Variants in PARG observed in about 807,000 individuals in gnomAD.
The protein encoded by PARG is mitochondrial poly(ADP-ribose) glycohydrolase.
A neutral mutation model predicts 113.0 loss-of-function variants in PARG; 35 were observed. The observed-to-expected ratio is 0.31, with a 90% CI of 0.24 to 0.41. The LOEUF is 0.41. Among genes scored for constraint, PARG ranks in the 10% least tolerant of loss-of-function variants. The pLI, the probability that PARG is intolerant of heterozygous loss-of-function variation, is 1.00. For synonymous variants in PARG, 330 were observed against 409.9 expected, an observed-to-expected ratio of 0.81 and a Z score of 2.36; for missense variants, 797 against 1,169.4, an observed-to-expected ratio of 0.68 and a Z score of 4.64.
rs1554850931 is a variant in PARG at position 49,927,421 on chromosome 10, A to AG, written c.1455+4678_1455+4679insC. Among the ~76,000 whole-genome samples, 299 of 148,216 alleles carry AG rather than the reference A, an allele frequency of 2.0e-3. 2 individuals carry two copies. Among genetic ancestry groups the AG allele is most frequent in the African/African-American group, 7.0e-3 (288 of 40,882 alleles). On this transcript the variant is annotated intron_variant, in intron 4 of 17. Coordinates refer to ENST00000616448, the MANE Select transcript of PARG (RefSeq NM_003631.5). ...AAGAAAGAAAGAAAGAAAGAAAGAA[A>AG]AATAAACCTGTGAGTCATCTATATA...
chr10:49,863,096 G>A (rs1383407568), intron 11 of PARG, among the ~76,000 whole-genome samples: 3 of 151,208 alleles, frequency 2.0e-5, no homozygotes, highest in African/African-American at 7.3e-5. Flanking sequence ...TAACTTCCCA[G>A]TAGGTCATCC....
intron 7 of PARG, among the ~76,000 whole-genome samples, chr10:49,893,703 C>CT (rs1471083700): frequency 2.0e-5 from 3 of 149,194 alleles, no homozygotes; most frequent in Non-Finnish European, 3.0e-5. Flanking sequence ...TTTTTTTTTC[C>CT]TTTTTTTTGA....
In PARG at chr10:49,819,437, G is replaced by A. The variant is rs977494343; in HGVS notation, c.2834C>T (p.Thr945Ile). The change falls in exon 18 of 18, where the codon ACC (threonine) becomes ATC (isoleucine). Residue 945 changes from threonine to isoleucine, a missense_variant. Transcript: ENST00000616448. ...YYNEECRNCS[T>I]PGPDIKLYPF... is the part of the protein sequence containing the mutation. The stretch of plus-strand genomic sequence containing the variant: ...ATAAAGCTTGATGTCTGGTCCAGGG[G>A]TGGAACAGTTTCTGCATTCTTCATT... 8 of 1,550,036 alleles carry A rather than the reference G, an allele frequency of 5.2e-6. No individual in the cohort carries two copies. Among genetic ancestry groups the A allele is most frequent in the Non-Finnish European group, 7.0e-6 (8 of 1,145,564 alleles).
At chr10:49,861,894 C>T (rs1277650768) in intron 11 of PARG, among the ~76,000 whole-genome samples, 1 of 150,684 alleles carries the variant, frequency 6.6e-6, no homozygotes, top group East Asian at 1.9e-4. Context: ...CCTGATTTTC[C>T]TCTAAATAAT....
chr10:49,877,303 A>G (rs2132611806), intron 9 of PARG, among the ~76,000 whole-genome samples: 1 of 150,426 alleles, frequency 6.6e-6, no homozygotes, highest in African/African-American at 2.4e-5. Flanking sequence ...CAATTTTAAA[A>G]GGCTAAAAAA....
Position 49,895,830 on chromosome 10 carries a change from A to AT in PARG, c.1738-10536dup. ...GGTCTTCAAGATACTGGTCTTACAC[A>AT]TTTTTTGTTAAATTTATTTCTAAGT... On this transcript the variant is annotated intron_variant, in intron 7 of 17. Coordinates refer to ENST00000616448, the MANE Select transcript of PARG (RefSeq NM_003631.5). Among the ~76,000 whole-genome samples the AT allele has an allele frequency of 1.3e-5, 2 of 152,080 alleles. 1 individual carries two copies. The highest frequency in any genetic ancestry group is 1.3e-4 in the Admixed American group (2 of 15,264).
intron 7 of PARG, among the ~76,000 whole-genome samples, chr10:49,888,198 T>A (rs1255537742): frequency 6.6e-6 from 1 of 152,046 alleles, no homozygotes; most frequent in African/African-American, 2.4e-5. Flanking sequence ...TTCCTCTACA[T>A]ACATTGATAA....
chr10:49,852,061 A>G (rs1845783336), intron 13 of PARG, among the ~76,000 whole-genome samples: 1 of 152,198 alleles, frequency 6.6e-6, no homozygotes, highest in Admixed American at 6.5e-5. Flanking sequence ...AGTCACAGCC[A>G]TTAGCTCACT....
chr10:49,895,473 G>A (rs181669917), intron 7 of PARG, among the ~76,000 whole-genome samples: 3 of 151,434 alleles, frequency 2.0e-5, no homozygotes, highest in Admixed American at 6.6e-5. Flanking sequence ...GCATGATCTC[G>A]GCTCACTGCA....
intron 6 of PARG, among the ~76,000 whole-genome samples, chr10:49,921,526 T>C (rs1316568456): frequency 1.4e-4 from 22 of 151,894 alleles, no homozygotes; most frequent in African/African-American, 9.7e-5. Context: ...ATGTTTTCCA[T>C]GTAAAGAAAA....
chr10:49,937,237 G>A (rs1461354929), intron 1 of PARG, among the ~76,000 whole-genome samples: 6 of 152,208 alleles, frequency 3.9e-5, no homozygotes, highest in African/African-American at 1.2e-4. Context: ...AACACTTTGG[G>A]AGGACGAGGC....
chr10:49,920,463 AATATATATATATATATATATATAT>A (rs202215714), intron 6 of PARG, among the ~76,000 whole-genome samples: 1 of 47,988 alleles, frequency 2.1e-5, no homozygotes, highest in Non-Finnish European at 5.7e-5. Flanking sequence ...AAAAAAAAAA[AATATATATATATATATATATATAT>A]ATATATATAT....
At chr10:49,931,419 G>A (rs1838472606) in intron 4 of PARG, among the ~76,000 whole-genome samples, 1 of 152,006 alleles carries the variant, frequency 6.6e-6, no homozygotes, top group African/African-American at 2.4e-5. Flanking sequence ...AAACTGCTAA[G>A]ATCAGTGCTT....
intron 7 of PARG, among the ~76,000 whole-genome samples, chr10:49,886,387 T>C (rs1554840464): frequency 6.6e-6 from 1 of 152,220 alleles, no homozygotes; most frequent in East Asian, 1.9e-4. Flanking sequence ...CAAAGAATAT[T>C]TGCCCTGATT....
chr10:49,908,245 TTAGAA>T (rs1214204437), intron 7 of PARG, among the ~76,000 whole-genome samples: 2 of 152,172 alleles, frequency 1.3e-5, no homozygotes, highest in African/African-American at 4.8e-5. Context: ...TATGCACTAT[TTAGAA>T]ATCATAAATC....
chr10:49,892,062 G>A (rs1448006133), intron 7 of PARG, among the ~76,000 whole-genome samples: 3 of 151,994 alleles, frequency 2.0e-5, no homozygotes, highest in African/African-American at 7.3e-5. Flanking sequence ...AGGCTGAGGT[G>A]GGTGGATCAA....
In PARG at chr10:49,836,302, T is replaced by C. The variant is rs1844920345; in HGVS notation, c.2542-3394A>G. On this transcript the variant is annotated intron_variant, in intron 15 of 17. Transcript: ENST00000616448. ...AGGTTTTTAGTATTCTCTGATTTCT[T>C]ACGACTTTTTTTTTTTTTTTTTTTT... 2.2e-5 allele frequency among the ~76,000 whole-genome samples: 3 copies of C among 137,078 alleles called. No individual in the cohort carries two copies. The Admixed American group carries it at 2.4e-4, about 11-fold the overall frequency. The allele number at this position is 137,078 out of a possible 152,430, so 89.9% of individuals were successfully genotyped here. A position where few individuals can be genotyped will look rare whatever the true frequency, so the allele number is the denominator to read the frequency against.
rs1179641619 is a variant in PARG at position 49,933,135 on chromosome 10, G to C, written c.1271+42C>G. 6.1e-5 allele frequency: 85 copies of C among 1,382,730 alleles called. No homozygotes were observed. The South Asian group carries it at 9.6e-4, about 16-fold the overall frequency. The allele number at this position is 1,382,730 out of a possible 1,614,324, so 85.7% of individuals were successfully genotyped here. On this transcript the variant is annotated intron_variant, in intron 3 of 17. Transcript: ENST00000616448. ...TTAAACTCCCTTACAAAACTATAAA[G>C]CATATTATGCTATTGGAGAGATACT...
intron 2 of PARG, among the ~76,000 whole-genome samples, chr10:49,934,654 C>A (rs1838658870): frequency 6.6e-6 from 1 of 152,146 alleles, no homozygotes; most frequent in Non-Finnish European, 1.5e-5. Context: ...TCAAGACCAT[C>A]CTGGCTAACC....
Sources: allele counts gnomAD v4.1 joint callset (sites outside exome capture counted in the v4.1 genomes callset), GRCh38; gene constraint gnomAD v4.1.1; transcripts MANE v1.5; gene names NCBI Gene and HGNC (gene_info 2026-07-23, HGNC 2026-07-21).